TBX4: variants seen among roughly 807,000 people sequenced by gnomAD.
TBX4 encodes T-box transcription factor 4.
TBX4 carries 13 observed loss-of-function variants against 54.6 expected under a neutral mutation model. The ratio of observed to expected loss-of-function variants is 0.24; its 90% CI spans 0.15 to 0.38. The LOEUF is 0.38. Ranked by LOEUF, TBX4 falls within the 10% of genes least tolerant of loss-of-function variation. TBX4 has a pLI of 1.00. For synonymous variants in TBX4, 314 were observed against 306.7 expected, an observed-to-expected ratio of 1.02 and a Z score of -0.25; for missense variants, 631 against 728.5, an observed-to-expected ratio of 0.87 and a Z score of 1.54.
rs1417473412 is a variant in TBX4, at chr17:61,462,047, C to T, written c.282-3772C>T. ...CGCGGCTCTCGCAGCGCAGCTAGAA[C>T]TTGCGTGTTCCCTCAGCAGTGAGTT... On this transcript the variant is annotated intron_variant, in intron 3 of 8. Coordinates refer to ENST00000644296, the MANE Select transcript of TBX4 (RefSeq NM_001321120.2). This position sits in a 1 kb window ranked among gnomAD's most constrained non-coding sequence, Gnocchi z 4.5. Among the ~76,000 whole-genome samples the T allele has an allele frequency of 6.6e-6, 1 of 152,228 alleles. No individual in the cohort carries two copies. The highest frequency in any genetic ancestry group is 2.4e-5 in the African/African-American group (1 of 41,472).
At position 61,483,823 on chromosome 17, in the gene TBX4, G is replaced by A. The variant is rs2060685119; in HGVS notation, c.*307G>A. On this transcript the variant is annotated 3_prime_UTR_variant, in exon 9 of 9. Coordinates refer to ENST00000644296, the MANE Select transcript of TBX4 (RefSeq NM_001321120.2). The surrounding 1 kb of genome is among the most constrained non-coding windows in gnomAD (Gnocchi z 6.6). ...TGCCCGTGGGTGGGATGGGAGTGGA[G>A]GGTTCATATGAGTTATTGAGAGGGT... The A allele has an allele frequency of 4.9e-6, 2 of 404,512 alleles. No individual in the cohort carries two copies. Among genetic ancestry groups the A allele is most frequent in the Non-Finnish European group, 9.3e-6 (2 of 214,394 alleles). 25.1% of individuals were successfully genotyped at this position (404,512 alleles called of 1,614,324 possible).
chr17:61,452,743 C>T (rs914118421), intron 1 of TBX4, among the ~76,000 whole-genome samples, 166 bp downstream of exon 1: 3 of 152,192 alleles, frequency 2.0e-5, no homozygotes, highest in Non-Finnish European at 4.4e-5. Context: ...AGGAAGGCGG[C>T]GCGAAGTGCC....
rs1449872254 is a variant in TBX4, at chr17:61,462,425, G to T, written c.282-3394G>T. Among the ~76,000 whole-genome samples the T allele has an allele frequency of 6.6e-6, 1 of 152,178 alleles. No individual in the cohort carries two copies. Among genetic ancestry groups the T allele is most frequent in the African/African-American group, 2.4e-5 (1 of 41,446 alleles). ...AGGGGAACTGGGGGAGCATGGAGAG[G>T]GCGCTTGGGGCGCGGAGAGAAGGTG... On this transcript the variant is annotated intron_variant, in intron 3 of 8. Coordinates refer to ENST00000644296, the MANE Select transcript of TBX4 (RefSeq NM_001321120.2). This position sits in a 1 kb window ranked among gnomAD's most constrained non-coding sequence, Gnocchi z 4.5.
At chr17:61,477,797 T>G (rs1053294981) in intron 5 of TBX4, among the ~76,000 whole-genome samples, 2 of 151,564 alleles carry the variant, frequency 1.3e-5, no homozygotes, top group Admixed American at 6.6e-5. Context: ...AAAAATTAGC[T>G]GGGAATGATG....
chr17:61,483,218 C>T lies in TBX4; in HGVS notation c.1343C>T (p.Thr448Ile), dbSNP rs780910584. The stretch of plus-strand genomic sequence containing the variant: ...TACCAGCCCTTCCCCACGCACTTCA[C>T]CGCCACCACCATGATGCCGCGGCTG... ...VPYQPFPTHF[T>I]ATTMMPRLPT... The change falls in exon 9 of 9, where the codon ACC (threonine) becomes ATC (isoleucine). Residue 448 changes from threonine (T) to isoleucine (I), a missense_variant. Physicochemically the swap from Thr to Ile is moderately conservative, Grantham distance 89 (BLOSUM62 -1). This residue lies in a region of TBX4 where 354 missense variants were observed against 368.9 expected (regional missense o/e 0.96). Coordinates refer to ENST00000644296, the MANE Select transcript of TBX4 (RefSeq NM_001321120.2). The surrounding 1 kb of genome is among the most constrained non-coding windows in gnomAD (Gnocchi z 6.6). 2 of 1,614,136 alleles carry T rather than the reference C, an allele frequency of 1.2e-6. No individual in the cohort carries two copies. The highest frequency in any genetic ancestry group is 1.7e-6 in the Non-Finnish European group (2 of 1,180,006).
chr17:61,466,010 G>T, intron 4 of TBX4, 72 bp downstream of exon 4: 7 of 1,604,052 alleles, frequency 4.4e-6, no homozygotes, highest in Non-Finnish European at 5.1e-6. Context: ...CTAGTGTTTT[G>T]TCCGGGGGAT....
In TBX4 at chr17:61,460,883, A is replaced by ATT. The variant is rs2060490258; in HGVS notation, c.281+3254_281+3255dup. On this transcript the variant is annotated intron_variant, in intron 3 of 8. Coordinates refer to ENST00000644296, the MANE Select transcript of TBX4 (RefSeq NM_001321120.2). The surrounding 1 kb of genome is among the most constrained non-coding windows in gnomAD (Gnocchi z 4.4). ...ATGTTGCTTGTGTTAGTGACAGTGA[A>ATT]TTTGCGTTTGAAAAATGAACTACCG... Among the ~76,000 whole-genome samples, 1 of 152,178 alleles carries ATT rather than the reference A, an allele frequency of 6.6e-6. No homozygotes were observed. Among genetic ancestry groups the ATT allele is most frequent in the South Asian group, 2.1e-4 (1 of 4,828 alleles).
In TBX4 at chr17:61,475,198, ACT is replaced by A. The variant is rs1362635904; in HGVS notation, c.550-3423_550-3422del. On this transcript the variant is annotated intron_variant, in intron 5 of 8. Coordinates refer to ENST00000644296, the MANE Select transcript of TBX4 (RefSeq NM_001321120.2). The surrounding 1 kb of genome is among the most constrained non-coding windows in gnomAD (Gnocchi z 5.0). ...CCCTGCCTCGGAAGATGTGTTGGGC[ACT>A]CTCTCCACCCTAGTCATCAGGGACT... is the stretch of plus-strand genomic sequence containing the variant. 6.6e-6 allele frequency among the ~76,000 whole-genome samples: 1 copy of A among 151,960 alleles called. No individual in the cohort carries two copies. Among genetic ancestry groups the A allele is most frequent in the African/African-American group, 2.4e-5 (1 of 41,328 alleles).
In TBX4 at chr17:61,474,230, G is replaced by T. The variant is rs2060601665; in HGVS notation, c.550-4397G>T. ...ATGGACATTAGCCACACTTTTGAGG[G>T]GCTAGCATCCAGATAACATGTGTTC... On this transcript the variant is annotated intron_variant, in intron 5 of 8. Transcript: ENST00000644296. The surrounding 1 kb of genome is among the most constrained non-coding windows in gnomAD (Gnocchi z 4.6). Among the ~76,000 whole-genome samples the T allele has an allele frequency of 6.6e-6, 1 of 152,098 alleles. No homozygotes were observed. The highest frequency in any genetic ancestry group is 2.1e-4 in the South Asian group (1 of 4,818).
At chr17:61,452,899 C>A in intron 1 of TBX4, 7 of 984,808 alleles carry the variant, frequency 7.1e-6, no homozygotes, top group Non-Finnish European at 8.4e-6. Flanking sequence ...CCGTGACAGG[C>A]GGAGCGGTGG....
In TBX4 at chr17:61,484,552, T is replaced by C. The variant is rs1211057953; in HGVS notation, c.*1036T>C. 1 of 152,098 alleles carries C rather than the reference T, an allele frequency of 6.6e-6. No homozygotes were observed. The highest frequency in any genetic ancestry group is 6.6e-5 in the Admixed American group (1 of 15,250). 9.4% of individuals were successfully genotyped at this position (152,098 alleles called of 1,614,324 possible). On this transcript the variant is annotated 3_prime_UTR_variant, in exon 9 of 9. Coordinates refer to ENST00000644296, the MANE Select transcript of TBX4 (RefSeq NM_001321120.2). The surrounding 1 kb of genome is among the most constrained non-coding windows in gnomAD (Gnocchi z 4.1). ...AATAAAGATAGTTGAAAAAAATTTG[T>C]TTCTTCCAGTAAATTCAGCCGGTGA...
chr17:61,482,575 A>G (rs558612268), intron 8 of TBX4, among the ~76,000 whole-genome samples: 1 of 152,288 alleles, frequency 6.6e-6, no homozygotes, highest in African/African-American at 2.4e-5. Flanking sequence ...TGAGAATGCC[A>G]CTGCACATCA....
chr17:61,480,437 G>T lies in TBX4; in HGVS notation c.1021+118G>T, dbSNP rs936336616. 9 of 957,930 alleles carry T rather than the reference G, an allele frequency of 9.4e-6. No homozygotes were observed. The highest frequency in any genetic ancestry group is 1.4e-5 in the Non-Finnish European group (9 of 621,732). 59.3% of individuals were successfully genotyped at this position (957,930 alleles called of 1,614,324 possible). A position where few individuals can be genotyped will look rare whatever the true frequency, so the allele number is the denominator to read the frequency against. The stretch of plus-strand genomic sequence containing the variant: ...CACACACTCATCTCGTGCTTGTGTG[G>T]CCTGGGAGAGTGGGCCTGAAGGGTT... On this transcript the variant is annotated intron_variant, in intron 8 of 8. Transcript: ENST00000644296. This position sits in a 1 kb window ranked among gnomAD's most constrained non-coding sequence, Gnocchi z 6.2.
Position 61,484,059 on chromosome 17 carries a change from A to G in TBX4, c.*543A>G, listed in dbSNP as rs1259040545. ...CTTTGACTTCTGGAGAGTCTGTGAG[A>G]CTGCCTGAGAGGTGGGCTCAGCTAA... On this transcript the variant is annotated 3_prime_UTR_variant, in exon 9 of 9. Coordinates refer to ENST00000644296, the MANE Select transcript of TBX4 (RefSeq NM_001321120.2). This position sits in a 1 kb window ranked among gnomAD's most constrained non-coding sequence, Gnocchi z 4.1. The G allele has an allele frequency of 6.1e-6, 1 of 163,760 alleles. No homozygotes were observed. Among genetic ancestry groups the G allele is most frequent in the Non-Finnish European group, 1.3e-5 (1 of 74,452 alleles). 10.1% of individuals were successfully genotyped at this position (163,760 alleles called of 1,614,324 possible).
intron 2 of TBX4, 74 bp downstream of exon 2, chr17:61,456,750 G>A: frequency 8.4e-7 from 1 of 1,190,342 alleles, no homozygotes; most frequent in Non-Finnish European, 1.1e-6. Flanking sequence ...CCGTCTTTCC[G>A]TCCGATTGTC....
At chr17:61,456,177 T>G (rs1399996505) in intron 1 of TBX4, among the ~76,000 whole-genome samples, 2 of 152,136 alleles carry the variant, frequency 1.3e-5, no homozygotes, top group African/African-American at 4.8e-5. Context: ...AGTGAGGGAC[T>G]CGGGGTGCAG....
At position 61,456,484 on chromosome 17, in the gene TBX4, G is replaced by C; in HGVS notation, c.-3-4G>C. The C allele has an allele frequency of 6.4e-7, 1 of 1,566,500 alleles. No individual in the cohort carries two copies. Among genetic ancestry groups the C allele is most frequent in the Non-Finnish European group, 8.7e-7 (1 of 1,156,036 alleles). ...GAGTGACTCGTTGTGTGCTGTGCCC[G>C]CAGGAGATGCTGCAGGATAAGGGCC... On this transcript the variant is annotated splice_polypyrimidine_tract_variant and splice_region_variant and intron_variant, in intron 1 of 8. Transcript: ENST00000644296.
Position 61,483,493 on chromosome 17 carries a change from G to A in TBX4, c.1618G>A (p.Val540Met). The A allele has an allele frequency of 1.9e-6, 3 of 1,614,178 alleles. No individual in the cohort carries two copies. Among genetic ancestry groups the A allele is most frequent in the South Asian group, 2.2e-5 (2 of 91,074 alleles). The change falls in exon 9 of 9, where the codon GTG (valine) becomes ATG (methionine). Residue 540 changes from valine to methionine, a missense_variant. Val to Met is a conservative substitution (Grantham distance 21, BLOSUM62 1). Transcript: ENST00000644296. This position sits in a 1 kb window ranked among gnomAD's most constrained non-coding sequence, Gnocchi z 6.6. ...ACAGTACCATTCAGGAATGGGGACT[G>A]TGGAGAACTGGACTGACGGATGACT... ...SLQYHSGMGT[V>M]ENWTDG
intron 1 of TBX4, among the ~76,000 whole-genome samples, chr17:61,453,747 G>A (rs1042898526): frequency 3.9e-5 from 6 of 152,170 alleles, no homozygotes; most frequent in Non-Finnish European, 8.8e-5. Flanking sequence ...TACTGTCGGG[G>A]TGTGTTGAAG....
Sources: allele counts gnomAD v4.1 joint callset (sites outside exome capture counted in the v4.1 genomes callset), GRCh38; gene constraint gnomAD v4.1.1; regional missense constraint gnomAD v4.1.1; non-coding constraint Gnocchi (gnomAD v3.1); transcripts MANE v1.5; gene names NCBI Gene and HGNC (gene_info 2026-07-23, HGNC 2026-07-21).